The following PTK2 variants were observed in gnomAD, a reference collection of about 807,000 sequenced individuals.
PTK2 encodes the protein protein tyrosine kinase 2.
In PTK2, 45 loss-of-function variants were observed where a neutral mutation model predicts 150.1. The observed-to-expected ratio is 0.30, with a 90% confidence interval of 0.24 to 0.38. The LOEUF (loss-of-function observed/expected upper bound fraction) is 0.38, where lower values mean the gene tolerates loss of function less well. PTK2 is among the 10% of genes least tolerant of loss of function. The probability of loss-of-function intolerance (pLI) is 1.00; values close to 1 mark genes in which losing one functional copy is unlikely to be tolerated. For missense variants in PTK2, 919 were observed against 1,307.3 expected, an observed-to-expected ratio of 0.70 and a Z score of 4.58; for synonymous variants, 432 against 449.2, an observed-to-expected ratio of 0.96 and a Z score of 0.48.
At chr8:140,839,490 G>T (rs542539900) in intron 7 of PTK2, among the ~76,000 whole-genome samples, 1 of 151,918 alleles carries the variant, frequency 6.6e-6, no homozygotes, top group Non-Finnish European at 1.5e-5. Flanking sequence ...AGAAATAAAC[G>T]GCACAAACAC....
chr8:140,830,751 A>G (rs1329546603), intron 7 of PTK2, among the ~76,000 whole-genome samples: 1 of 152,242 alleles, frequency 6.6e-6, no homozygotes, highest in African/African-American at 2.4e-5. Context: ...TGGTTTAAAT[A>G]GAAATCCTTT....
At position 140,967,749 on chromosome 8, in the gene PTK2, C is replaced by T. The variant is rs779649995; in HGVS notation, c.-122+33376G>A. Among the ~76,000 whole-genome samples the T allele has an allele frequency of 3.2e-4, 49 of 152,200 alleles. No homozygotes were observed. The Middle Eastern group carries it at 0.01, about 32-fold the overall frequency. ...CTGGGATTACAGACGTGAGCCACCG[C>T]GCCTGGCCTAACCCAACATTTCTTA... On this transcript the variant is annotated intron_variant, in intron 1 of 31. Transcript: ENST00000522684.
At chr8:140,948,875 T>C (rs1195992645) in intron 1 of PTK2, among the ~76,000 whole-genome samples, 1 of 152,146 alleles carries the variant, frequency 6.6e-6, no homozygotes, top group East Asian at 1.9e-4. Flanking sequence ...TAGAGATGAT[T>C]TAAAGTACAG....
chr8:140,883,594 G>A (rs2100150513), intron 3 of PTK2, among the ~76,000 whole-genome samples: 1 of 152,094 alleles, frequency 6.6e-6, no homozygotes, highest in Admixed American at 6.6e-5. Context: ...AAAACCAAGG[G>A]ATTCCTACCA....
intron 27 of PTK2, among the ~76,000 whole-genome samples, chr8:140,680,994 A>ATTTC (rs2100016595): frequency 6.6e-6 from 1 of 152,236 alleles, no homozygotes. Context: ...ATGTTTAAGG[A>ATTTC]AATCTGCATT....
chr8:140,972,341 T>G (rs1588122351), intron 1 of PTK2, among the ~76,000 whole-genome samples: 1 of 152,214 alleles, frequency 6.6e-6, no homozygotes, highest in East Asian at 1.9e-4. Context: ...CTCGGCTCAC[T>G]GCAACCTCCA....
intron 1 of PTK2, among the ~76,000 whole-genome samples, chr8:140,981,609 T>A (rs1014460726): frequency 5.3e-5 from 8 of 152,246 alleles, no homozygotes; most frequent in African/African-American, 1.9e-4. Flanking sequence ...TGGTTTTACA[T>A]CGTATATGGT....
intron 27 of PTK2, among the ~76,000 whole-genome samples, chr8:140,685,457 C>G (rs946150834): frequency 6.6e-6 from 1 of 152,206 alleles, no homozygotes; most frequent in African/African-American, 2.4e-5. Flanking sequence ...AAACAACTCA[C>G]AGAATGGGAG....
At chr8:140,850,301 C>T (rs1405230956) in intron 5 of PTK2, among the ~76,000 whole-genome samples, 1 of 151,862 alleles carries the variant, frequency 6.6e-6, no homozygotes, top group African/African-American at 2.4e-5. Flanking sequence ...TGGCAGGCAC[C>T]TATAATCCCA....
At chr8:140,888,406 A>G (rs898338086) in intron 3 of PTK2, among the ~76,000 whole-genome samples, 1 of 152,202 alleles carries the variant, frequency 6.6e-6, no homozygotes, top group African/African-American at 2.4e-5. Flanking sequence ...GGAAAGGGCT[A>G]TGGTGAATTC....
Position 140,938,981 on chromosome 8 carries a change from AT to A in PTK2, c.-121-13233del, listed in dbSNP as rs5895651. Among the ~76,000 whole-genome samples, 71 of 149,078 alleles carry A rather than the reference AT, an allele frequency of 4.8e-4. No homozygotes were observed. In the East Asian group the frequency reaches 5.1e-3, roughly 11 times the overall value. On this transcript the variant is annotated intron_variant, in intron 1 of 31. Coordinates refer to ENST00000522684, the Ensembl canonical transcript of PTK2. ...AATACAGTAAGACCCCATTCTCAGT[AT>A]TTTTTTTTTTGAAAAAAGAATATTT...
intron 3 of PTK2, among the ~76,000 whole-genome samples, chr8:140,886,629 A>G (rs1448421544): frequency 6.6e-6 from 1 of 152,168 alleles, no homozygotes; most frequent in Non-Finnish European, 1.5e-5. Context: ...ACGCTGCATT[A>G]TATCATCTAA....
At chr8:140,819,772 G>A (rs952103253) in intron 8 of PTK2, among the ~76,000 whole-genome samples, 2 of 152,178 alleles carry the variant, frequency 1.3e-5, no homozygotes, top group African/African-American at 4.8e-5. Flanking sequence ...ATAAAGCAAC[G>A]ATGCTTTTGC....
At chr8:140,885,402 G>T in intron 3 of PTK2, among the ~76,000 whole-genome samples, 1 of 152,110 alleles carries the variant, frequency 6.6e-6, no homozygotes. Context: ...AAAGACATTG[G>T]CAATAATACC....
In PTK2 at chr8:140,789,452, T is replaced by C. The variant is rs758220472; in HGVS notation, c.1177+22A>G. ...TACCCCATGAGAGTGCTTTTCGAGG[T>C]CTGCTACCTAGAGCCCCTTACCTGA... On this transcript the variant is annotated intron_variant, in intron 14 of 31. Transcript: ENST00000522684. 6 of 1,610,334 alleles carry C rather than the reference T, an allele frequency of 3.7e-6. No individual in the cohort carries two copies. The East Asian group carries it at 1.1e-4, about 30-fold the overall frequency.
At chr8:140,691,225 G>C (rs923538844) in intron 26 of PTK2, among the ~76,000 whole-genome samples, 3 of 151,754 alleles carry the variant, frequency 2.0e-5, no homozygotes, top group Non-Finnish European at 4.4e-5. Context: ...TGTTATCCAG[G>C]CTGGTCTTAA....
At chr8:140,771,335 A>G (rs1349687176) in intron 14 of PTK2, 2 of 152,340 alleles carry the variant, frequency 1.3e-5, no homozygotes, top group African/African-American at 4.8e-5. Flanking sequence ...CAAAACCTCT[A>G]CTAGCATTAC....
chr8:140,871,823 G>A (rs748310267), intron 4 of PTK2, among the ~76,000 whole-genome samples: 11 of 152,008 alleles, frequency 7.2e-5, no homozygotes, highest in African/African-American at 1.4e-4. Flanking sequence ...AGGCTACAGC[G>A]AGCTATGATC....
intron 17 of PTK2, among the ~76,000 whole-genome samples, chr8:140,748,669 T>A (rs1056301912): frequency 6.6e-6 from 1 of 152,174 alleles, no homozygotes; most frequent in Non-Finnish European, 1.5e-5. Flanking sequence ...GACCGCCTAA[T>A]TGAGCCAAGA....
Sources: allele counts gnomAD v4.1 joint callset (sites outside exome capture counted in the v4.1 genomes callset), GRCh38; gene constraint gnomAD v4.1.1; transcripts MANE v1.5; gene names NCBI Gene and HGNC (gene_info 2026-07-23, HGNC 2026-07-21).